GLCCI1: variants seen among roughly 807,000 people sequenced by gnomAD.
The protein encoded by GLCCI1 is glucocorticoid induced 1.
Under a neutral mutation model 52.2 loss-of-function variants are expected in GLCCI1, and 24 were observed. That is an observed-to-expected ratio of 0.46 (90% CI 0.33 to 0.65). GLCCI1 has a LOEUF of 0.65. Ranked by LOEUF, GLCCI1 falls within the 30% of genes least tolerant of loss-of-function variation. The pLI is 0.02. For synonymous variants in GLCCI1, 310 were observed against 276.5 expected, an observed-to-expected ratio of 1.12 and a Z score of -1.20; for missense variants, 704 against 701.5, an observed-to-expected ratio of 1.00 and a Z score of -0.04.
At chr7:8,043,042 G>T (rs1206703474) in intron 3 of GLCCI1, among the ~76,000 whole-genome samples, 1 of 152,152 alleles carries the variant, frequency 6.6e-6, no homozygotes, top group African/African-American at 2.4e-5. Flanking sequence ...TAACATCTAC[G>T]AGACAAGAGC....
rs559604219 is a variant in GLCCI1 at position 8,088,721 on chromosome 7, T to C, written c.*2183T>C. ...TTTGGTGATGAAATCTCATGTACGA[T>C]ATTTATAGTGATGTGCTTTTATTTT... On this transcript the variant is annotated 3_prime_UTR_variant, in exon 8 of 8. Coordinates refer to ENST00000223145, the MANE Select transcript of GLCCI1 (RefSeq NM_138426.4). The C allele has an allele frequency of 3.9e-5, 6 of 152,764 alleles. No homozygotes were observed. The South Asian group carries it at 6.2e-4, about 16-fold the overall frequency. The allele number at this position is 152,764 out of a possible 1,614,324, so 9.5% of individuals were successfully genotyped here.
chr7:8,078,083 A>AC (rs1782912763), intron 6 of GLCCI1, among the ~76,000 whole-genome samples: 2 of 151,838 alleles, frequency 1.3e-5, no homozygotes, highest in East Asian at 3.9e-4. Context: ...AAATACAAAA[A>AC]ATGAGCCGGG....
rs1410786722 is a variant in GLCCI1 at position 8,088,483 on chromosome 7, C to G, written c.*1945C>G. 3 of 152,544 alleles carry G rather than the reference C, an allele frequency of 2.0e-5. No homozygotes were observed. Among genetic ancestry groups the G allele is most frequent in the Non-Finnish European group, 4.4e-5 (3 of 68,030 alleles). The allele number at this position is 152,544 out of a possible 1,614,324, so 9.4% of individuals were successfully genotyped here. ...TTTTCAGCAGCAGATACCTTTAACC[C>G]TAATAATCTCAGGCCTTGATGAAAA... On this transcript the variant is annotated 3_prime_UTR_variant, in exon 8 of 8. Coordinates refer to ENST00000223145, the MANE Select transcript of GLCCI1 (RefSeq NM_138426.4).
At chr7:7,981,466 G>A in intron 1 of GLCCI1, 1 of 200,974 alleles carries the variant, frequency 5.0e-6, no homozygotes, top group Non-Finnish European at 9.9e-6. Context: ...GGGACTACAG[G>A]CGTGTGCCAC....
rs1461202134 is a variant in GLCCI1 at position 7,969,606 on chromosome 7, G to T, written c.256G>T (p.Ala86Ser). 5 of 1,029,234 alleles carry T rather than the reference G, an allele frequency of 4.9e-6. No homozygotes were observed. The highest frequency in any genetic ancestry group is 5.8e-6 in the Non-Finnish European group (5 of 860,420). The allele number at this position is 1,029,234 out of a possible 1,614,324, so 63.8% of individuals were successfully genotyped here. A position where few individuals can be genotyped will look rare whatever the true frequency, so the allele number is the denominator to read the frequency against. Residue 86 changes from alanine to serine, a missense_variant, in exon 1 of 8, where the codon GCC becomes TCC. Physicochemically the swap from Ala to Ser is moderately conservative, Grantham distance 99. This residue lies in a region of GLCCI1 where 547 missense variants were observed against 524.8 expected (regional missense o/e 1.04). Coordinates refer to ENST00000223145, the MANE Select transcript of GLCCI1 (RefSeq NM_138426.4). This position sits in a 1 kb window ranked among gnomAD's most constrained non-coding sequence, Gnocchi z 4.9. ...SQHSPTRPPV[A>S]AAAASLGSLP... ...GCACAGTCCCACGCGTCCGCCCGTC[G>T]CCGCTGCCGCCGCCTCGCTGGGCAG...
chr7:8,085,815 G>A (rs945523850), intron 7 of GLCCI1, among the ~76,000 whole-genome samples: 10 of 152,172 alleles, frequency 6.6e-5, no homozygotes, highest in Admixed American at 2.6e-4. Context: ...GTTTAAATAC[G>A]TGATGGACGA....
chr7:7,982,808 T>C (rs1288325945), intron 1 of GLCCI1, among the ~76,000 whole-genome samples: 1 of 152,218 alleles, frequency 6.6e-6, no homozygotes, highest in Admixed American at 6.5e-5. Flanking sequence ...TGAATACTTA[T>C]TCTTCTGTTG....
At chr7:8,067,766 C>T (rs1248508898) in intron 5 of GLCCI1, among the ~76,000 whole-genome samples, 1 of 152,212 alleles carries the variant, frequency 6.6e-6, no homozygotes, top group Non-Finnish European at 1.5e-5. Context: ...CCTATTCTCT[C>T]CAGCTGCCTT....
At chr7:7,982,913 T>C (rs1780650650) in intron 1 of GLCCI1, among the ~76,000 whole-genome samples, 1 of 152,190 alleles carries the variant, frequency 6.6e-6, no homozygotes, top group Non-Finnish European at 1.5e-5. Flanking sequence ...GATCATGTGC[T>C]ATGAGTATCT....
intron 3 of GLCCI1, among the ~76,000 whole-genome samples, chr7:8,029,928 A>G (rs1469076636): frequency 6.6e-6 from 1 of 152,216 alleles, no homozygotes; most frequent in Admixed American, 6.5e-5. Flanking sequence ...AGGATACTTC[A>G]TGTTCATTAA....
chr7:8,047,691 T>C (rs1258928357), intron 3 of GLCCI1, among the ~76,000 whole-genome samples: 1 of 152,216 alleles, frequency 6.6e-6, no homozygotes. Context: ...TTAAAGAGCT[T>C]AAGAGCTTAA....
At chr7:8,029,839 T>C (rs1479992470) in intron 3 of GLCCI1, among the ~76,000 whole-genome samples, 1 of 151,952 alleles carries the variant, frequency 6.6e-6, no homozygotes, top group Non-Finnish European at 1.5e-5. Flanking sequence ...CTTGGAATTA[T>C]TCAAAGAAGT....
At chr7:8,043,774 T>A (rs1782056053) in intron 3 of GLCCI1, among the ~76,000 whole-genome samples, 1 of 152,206 alleles carries the variant, frequency 6.6e-6, no homozygotes, top group Admixed American at 6.5e-5. Flanking sequence ...AAAAGACTAA[T>A]GTGATTTTCA....
intron 4 of GLCCI1, among the ~76,000 whole-genome samples, chr7:8,056,003 A>AAC (rs1554262496): frequency 7.3e-6 from 1 of 136,732 alleles, no homozygotes; most frequent in Non-Finnish European, 1.5e-5. Context: ...AAAAAAAAAA[A>AAC]AAAACAAAAA....
rs1327036365 is a variant in GLCCI1, at chr7:8,087,122, A to T, written c.*584A>T. On this transcript the variant is annotated 3_prime_UTR_variant, in exon 8 of 8. Transcript: ENST00000223145. ...GATATTAAATATTTCACAGCTAAAAAGCTAAAGAGGGAACATCACTCTTTT... is the reference window on the plus strand; with the variant it reads ...GATATTAAATATTTCACAGCTAAAATGCTAAAGAGGGAACATCACTCTTTT... The T allele has an allele frequency of 6.5e-6, 1 of 152,690 alleles. No individual in the cohort carries two copies. Among genetic ancestry groups the T allele is most frequent in the East Asian group, 1.9e-4 (1 of 5,206 alleles). 9.5% of individuals were successfully genotyped at this position (152,690 alleles called of 1,614,324 possible).
Position 7,974,749 on chromosome 7 carries a change from A to G in GLCCI1, c.457+4942A>G, listed in dbSNP as rs1344268322. The stretch of plus-strand genomic sequence containing the variant: ...GGTAGTTAATAATCTGCCAAAGAGT[A>G]TAGTCTAATGACTTAGTTCTTCTTA... On this transcript the variant is annotated intron_variant, in intron 1 of 7. Coordinates refer to ENST00000223145, the MANE Select transcript of GLCCI1 (RefSeq NM_138426.4). 2.6e-5 allele frequency among the ~76,000 whole-genome samples: 4 copies of G among 152,190 alleles called. No homozygotes were observed. The East Asian group carries it at 5.8e-4, about 22-fold the overall frequency.
intron 2 of GLCCI1, among the ~76,000 whole-genome samples, chr7:8,014,987 G>T (rs569700302): frequency 1.3e-5 from 2 of 152,168 alleles, no homozygotes; most frequent in Non-Finnish European, 2.9e-5. Context: ...TTAGACTTCA[G>T]TCTATGGAGT....
chr7:8,069,701 G>A (rs943910863), intron 5 of GLCCI1, among the ~76,000 whole-genome samples: 3 of 152,190 alleles, frequency 2.0e-5, no homozygotes, highest in Non-Finnish European at 4.4e-5. Context: ...TCTAAATGAA[G>A]TTTTCATTTG....
At chr7:8,019,208 A>G (rs182455718) in intron 2 of GLCCI1, among the ~76,000 whole-genome samples, 177 of 152,314 alleles carry the variant, frequency 1.2e-3, no homozygotes, top group African/African-American at 2.7e-3. Flanking sequence ...GAAATGTTCT[A>G]TATTTGTGTT....
Sources: allele counts gnomAD v4.1 joint callset (sites outside exome capture counted in the v4.1 genomes callset), GRCh38; gene constraint gnomAD v4.1.1; regional missense constraint gnomAD v4.1.1; non-coding constraint Gnocchi (gnomAD v3.1); transcripts MANE v1.5; gene names NCBI Gene and HGNC (gene_info 2026-07-23, HGNC 2026-07-21).